NEDD9: variants seen among roughly 807,000 people sequenced by gnomAD.
NEDD9 encodes enhancer of filamentation 1.
NEDD9 carries 26 observed loss-of-function variants against 76.6 expected under a neutral mutation model. The ratio of observed to expected loss-of-function variants is 0.34; its 90% CI spans 0.25 to 0.47. The LOEUF (loss-of-function observed/expected upper bound fraction) is 0.47. Ranked by LOEUF, NEDD9 falls within the 20% of genes least tolerant of loss-of-function variation. The pLI is 1.00. For synonymous variants in NEDD9, 392 were observed against 414.2 expected (o/e 0.95, Z 0.65); for missense variants, 937 against 1,058.5 (o/e 0.89, Z 1.59).
intron 3 of NEDD9, among the ~76,000 whole-genome samples, chr6:11,247,889 G>A (rs1759839301): frequency 1.3e-5 from 2 of 152,134 alleles, no homozygotes. Flanking sequence ...TGCTTTAGAA[G>A]GCTTTTAGAA....
intron 3 of NEDD9, among the ~76,000 whole-genome samples, chr6:11,289,795 G>C (rs1760727715): frequency 6.6e-6 from 1 of 151,996 alleles, no homozygotes; most frequent in Non-Finnish European, 1.5e-5. Context: ...GCTGTTATAG[G>C]TCAGGGGTGG....
At chr6:11,192,126 G>A (rs1361145534) in intron 4 of NEDD9, among the ~76,000 whole-genome samples, 1 of 152,138 alleles carries the variant, frequency 6.6e-6, no homozygotes, top group Non-Finnish European at 1.5e-5. Context: ...TTTTTTAGTT[G>A]GGGCTTCTCA....
At chr6:11,343,637 C>A (rs1267552760) in intron 1 of NEDD9, among the ~76,000 whole-genome samples, 1 of 152,182 alleles carries the variant, frequency 6.6e-6, no homozygotes, top group Non-Finnish European at 1.5e-5. Flanking sequence ...ATACCAAGAA[C>A]AGTGCCTAGC....
intron 1 of NEDD9, among the ~76,000 whole-genome samples, chr6:11,224,912 T>C (rs1759260391): frequency 6.6e-6 from 1 of 152,216 alleles, no homozygotes; most frequent in African/African-American, 2.4e-5. Context: ...TAACTCATAG[T>C]TACCAAGAGA....
chr6:11,223,500 A>C (rs1159392936), intron 1 of NEDD9, among the ~76,000 whole-genome samples: 3 of 151,948 alleles, frequency 2.0e-5, no homozygotes, highest in African/African-American at 7.3e-5. Context: ...AAAAAAACCA[A>C]CAAAACAAAA....
chr6:11,240,536 C>G (rs1759690742), intron 3 of NEDD9, among the ~76,000 whole-genome samples: 1 of 152,180 alleles, frequency 6.6e-6, no homozygotes, highest in African/African-American at 2.4e-5. Context: ...AGCCAGACCA[C>G]CTTAAGTGGA....
chr6:11,371,149 T>C (rs546450753), intron 1 of NEDD9, among the ~76,000 whole-genome samples: 2 of 152,152 alleles, frequency 1.3e-5, no homozygotes, highest in Non-Finnish European at 2.9e-5. Context: ...CACAGCAAAA[T>C]TGAGAAAAAG....
rs1758867991 is a variant in NEDD9, at chr6:11,213,922, A to G, written c.13-195T>C. 6.6e-6 allele frequency among the ~76,000 whole-genome samples: 1 copy of G among 152,240 alleles called. No homozygotes were observed. The highest frequency in any genetic ancestry group is 2.1e-4 in the South Asian group (1 of 4,826). On this transcript the variant is annotated intron_variant, in intron 1 of 6. Coordinates refer to ENST00000379446, the MANE Select transcript of NEDD9 (RefSeq NM_006403.4). This position sits in a 1 kb window ranked among gnomAD's most constrained non-coding sequence, Gnocchi z 5.4. ...ATATACACTGCATCTGCCACCAGTG[A>G]CATCAGACTGCCTCCTTGGAAAAGC...
chr6:11,241,850 C>T lies in NEDD9; in HGVS notation c.13-28123G>A, dbSNP rs1308081106. On this transcript the variant is annotated intron_variant, in intron 3 of 3. Coordinates refer to the NEDD9 transcript ENST00000397378. This position sits in a 1 kb window ranked among gnomAD's most constrained non-coding sequence, Gnocchi z 4.0. ...CCGGGCCCAGAGCCTCTGGCCTGTC[C>T]GGCCAGCCCAAGCAGCCGCCAGCTG... is the stretch of plus-strand genomic sequence containing the variant. Among the ~76,000 whole-genome samples, 2 of 152,190 alleles carry T rather than the reference C, an allele frequency of 1.3e-5. No homozygotes were observed. Among genetic ancestry groups the T allele is most frequent in the Non-Finnish European group, 2.9e-5 (2 of 68,032 alleles).
Position 11,191,951 on chromosome 6 carries a change from G to A in NEDD9, c.663+394C>T, listed in dbSNP as rs1468686400. Among the ~76,000 whole-genome samples, 5 of 152,190 alleles carry A rather than the reference G, an allele frequency of 3.3e-5. No individual in the cohort carries two copies. In the South Asian group the frequency reaches 6.2e-4, roughly 19 times the overall value. ...GCCTGGGAAGTAAAGACTGCAATGA[G>A]CTGTGGTTGCGCCACTGCACTCCAG... On this transcript the variant is annotated intron_variant, in intron 4 of 6. Transcript: ENST00000379446.
chr6:11,227,371 A>G (rs1233307530), intron 1 of NEDD9, among the ~76,000 whole-genome samples: 1 of 152,216 alleles, frequency 6.6e-6, no homozygotes, highest in Non-Finnish European at 1.5e-5. Context: ...GAGCCATAGT[A>G]AGTACTTCAT....
chr6:11,189,040 A>G (rs955960485), intron 5 of NEDD9, among the ~76,000 whole-genome samples: 2 of 150,182 alleles, frequency 1.3e-5, no homozygotes, highest in African/African-American at 4.9e-5. Context: ...TCCGCCTCCC[A>G]GGTTCAAGTG....
At chr6:11,220,309 T>G (rs574791367) in intron 1 of NEDD9, among the ~76,000 whole-genome samples, 2 of 152,314 alleles carry the variant, frequency 1.3e-5, no homozygotes, top group East Asian at 3.9e-4. Flanking sequence ...TAGGAGTATC[T>G]TGGACCCCCC....
chr6:11,265,431 A>G (rs1442073743), intron 3 of NEDD9, among the ~76,000 whole-genome samples: 1 of 152,182 alleles, frequency 6.6e-6, no homozygotes, highest in Non-Finnish European at 1.5e-5. Flanking sequence ...CTGGACTTTA[A>G]CTTATTTTGT....
At chr6:11,193,494 T>C in intron 3 of NEDD9, 97 bp downstream of exon 3, 3 of 827,146 alleles carry the variant, frequency 3.6e-6, no homozygotes, top group Non-Finnish European at 5.8e-6. Context: ...ATGACATATA[T>C]TAATGCATAA....
chr6:11,371,847 A>T (rs1762881564), intron 1 of NEDD9, among the ~76,000 whole-genome samples: 1 of 152,204 alleles, frequency 6.6e-6, no homozygotes, highest in African/African-American at 2.4e-5. Flanking sequence ...TTTTAAAAAA[A>T]TTCAGTGGAT....
At chr6:11,290,119 C>CAATT (rs1259036385) in intron 3 of NEDD9, among the ~76,000 whole-genome samples, 2 of 152,208 alleles carry the variant, frequency 1.3e-5, no homozygotes, top group Admixed American at 6.5e-5. Context: ...CTTACGATTC[C>CAATT]GTTAAGGAGA....
At chr6:11,346,327 A>T (rs1316491229) in intron 1 of NEDD9, among the ~76,000 whole-genome samples, 1 of 152,184 alleles carries the variant, frequency 6.6e-6, no homozygotes, top group African/African-American at 2.4e-5. Context: ...CTACTATTCC[A>T]TGTCATGATG....
chr6:11,242,135 G>A (rs748903048), intron 3 of NEDD9, among the ~76,000 whole-genome samples: 1 of 152,182 alleles, frequency 6.6e-6, no homozygotes, highest in Admixed American at 6.5e-5. Flanking sequence ...CTTGCCGAAC[G>A]GAGTATGGAC....
Sources: allele counts gnomAD v4.1 joint callset (sites outside exome capture counted in the v4.1 genomes callset), GRCh38; gene constraint gnomAD v4.1.1; non-coding constraint Gnocchi (gnomAD v3.1); transcripts MANE v1.5; gene names NCBI Gene and HGNC (gene_info 2026-07-23, HGNC 2026-07-21).